CSMD1: variants seen among roughly 807,000 people sequenced by gnomAD.
CSMD1 encodes the protein CUB and sushi domain-containing protein 1.
Under a neutral mutation model 417.5 loss-of-function variants are expected in CSMD1, and 213 were observed. The observed-to-expected ratio is 0.51, with a 90% CI of 0.46 to 0.57. CSMD1 has a LOEUF of 0.57. Among genes scored for constraint, CSMD1 ranks in the 20% least tolerant of loss-of-function variants. The pLI is 0.00. For synonymous variants in CSMD1, 2,862 were observed against 1,736.8 expected (o/e 1.65, Z -16.11); for missense variants, 6,923 against 4,529.7 (o/e 1.53, Z -15.17).
chr8:3,967,589 G>T (rs1020219210), intron 5 of CSMD1, among the ~76,000 whole-genome samples: 3 of 152,054 alleles, frequency 2.0e-5, no homozygotes, highest in African/African-American at 7.2e-5. Context: ...TCTGTGTAGA[G>T]TCAGACGGTT....
intron 49 of CSMD1, among the ~76,000 whole-genome samples, chr8:3,081,665 G>C (rs939168760): frequency 1.3e-5 from 2 of 152,274 alleles, no homozygotes; most frequent in Non-Finnish European, 2.9e-5. Flanking sequence ...TACTGTCAGA[G>C]TCTAAACTGT....
At chr8:4,329,697 G>C (rs1799760417) in intron 3 of CSMD1, among the ~76,000 whole-genome samples, 1 of 152,146 alleles carries the variant, frequency 6.6e-6, no homozygotes, top group Non-Finnish European at 1.5e-5. Context: ...GTGATACCCA[G>C]TGTTGGAGAT....
At chr8:4,712,839 G>C (rs1480198474) in intron 1 of CSMD1, among the ~76,000 whole-genome samples, 4 of 152,170 alleles carry the variant, frequency 2.6e-5, no homozygotes, top group African/African-American at 9.7e-5. Flanking sequence ...TTCTATTTCA[G>C]AGAGGTCTAA....
chr8:4,456,512 A>G (rs893329065), intron 2 of CSMD1, among the ~76,000 whole-genome samples: 3 of 152,156 alleles, frequency 2.0e-5, no homozygotes, highest in Admixed American at 2.0e-4. Context: ...TTCTAAGTAA[A>G]TGTTTATAGT....
At chr8:4,935,551 C>A (rs1232655402) in intron 1 of CSMD1, among the ~76,000 whole-genome samples, 1 of 152,180 alleles carries the variant, frequency 6.6e-6, no homozygotes, top group East Asian at 1.9e-4. Flanking sequence ...TAAGGTTATA[C>A]ACTTTTTTCT....
intron 5 of CSMD1, among the ~76,000 whole-genome samples, chr8:3,837,905 T>C (rs757889913): frequency 3.3e-5 from 5 of 152,148 alleles, no homozygotes; most frequent in Non-Finnish European, 5.9e-5. Context: ...CACTTGGAAA[T>C]GCACAGATGA....
At chr8:3,647,006 C>T (rs1797609064) in intron 7 of CSMD1, among the ~76,000 whole-genome samples, 1 of 152,156 alleles carries the variant, frequency 6.6e-6, no homozygotes. Context: ...ATTTTTGAAA[C>T]ATCTCAGCAG....
intron 2 of CSMD1, among the ~76,000 whole-genome samples, chr8:4,493,664 C>T (rs542614973): frequency 3.9e-5 from 6 of 152,230 alleles, no homozygotes; most frequent in Non-Finnish European, 8.8e-5. Flanking sequence ...CAATGTACTC[C>T]AGATCGAGTG....
chr8:4,536,007 C>G (rs1474825322), intron 2 of CSMD1, among the ~76,000 whole-genome samples: 1 of 152,066 alleles, frequency 6.6e-6, no homozygotes, highest in African/African-American at 2.4e-5. Context: ...TTCAGAATAT[C>G]AATGCCACCA....
chr8:4,914,285 T>C (rs963831992), intron 1 of CSMD1, among the ~76,000 whole-genome samples: 1 of 152,028 alleles, frequency 6.6e-6, no homozygotes, highest in Non-Finnish European at 1.5e-5. Context: ...CTTTAAAAAT[T>C]GGAAGATAGG....
At chr8:2,974,124 G>GATGATGGCA (rs1563196757) in intron 56 of CSMD1, among the ~76,000 whole-genome samples, 2 of 151,220 alleles carry the variant, frequency 1.3e-5, no homozygotes, top group African/African-American at 2.5e-5. Context: ...GATGGTAGAG[G>GATGATGGCA]GAGGGAAAAT....
chr8:4,775,227 A>G (rs904409329), intron 1 of CSMD1, among the ~76,000 whole-genome samples: 3 of 152,190 alleles, frequency 2.0e-5, no homozygotes, highest in Non-Finnish European at 4.4e-5. Flanking sequence ...TATCACTAAA[A>G]TAGGAAAAAT....
At chr8:4,936,492 C>A (rs556850007) in intron 1 of CSMD1, among the ~76,000 whole-genome samples, 1 of 152,290 alleles carries the variant, frequency 6.6e-6, no homozygotes, top group Non-Finnish European at 1.5e-5. Context: ...CTTTGCCCAC[C>A]TTTTCCAATT....
chr8:3,752,676 C>CAAAAAAAAAAAAA (rs200769696), intron 6 of CSMD1, among the ~76,000 whole-genome samples: 1 of 96,942 alleles, frequency 1.0e-5, no homozygotes, highest in Non-Finnish European at 1.9e-5. Flanking sequence ...CCCCGCCTGG[C>CAAAAAAAAAAAAA]AAAAAAAAAA....
chr8:4,935,704 T>A (rs1807568169), intron 1 of CSMD1, among the ~76,000 whole-genome samples: 2 of 152,168 alleles, frequency 1.3e-5, no homozygotes, highest in South Asian at 4.2e-4. Flanking sequence ...CTTGTTAGGA[T>A]TGAGGAATGG....
chr8:4,774,098 G>A (rs1796729569), intron 1 of CSMD1, among the ~76,000 whole-genome samples: 1 of 152,206 alleles, frequency 6.6e-6, no homozygotes, highest in Admixed American at 6.5e-5. Context: ...TCAGGAGGCT[G>A]AGGCAGGAGA....
chr8:3,667,794 A>T (rs1197270293), intron 7 of CSMD1, among the ~76,000 whole-genome samples: 2 of 152,144 alleles, frequency 1.3e-5, no homozygotes, highest in Middle Eastern at 3.2e-3. Context: ...AAAATCATGG[A>T]AACAGAAGAC....
intron 46 of CSMD1, among the ~76,000 whole-genome samples, chr8:3,104,851 G>A (rs1000782361): frequency 1.3e-5 from 2 of 152,132 alleles, no homozygotes; most frequent in South Asian, 4.2e-4. Flanking sequence ...GGCATTACAG[G>A]CATGCGCCAC....
chr8:3,583,095 G>C (rs148170225), intron 9 of CSMD1, among the ~76,000 whole-genome samples: 4 of 152,066 alleles, frequency 2.6e-5, no homozygotes, highest in Non-Finnish European at 5.9e-5. Flanking sequence ...CTCTTCCTGG[G>C]GAGCCTGGCC....
Sources: gnomAD v4.1 joint callset for allele counts (sites outside exome capture counted in the v4.1 genomes callset) on GRCh38, gnomAD v4.1.1 for gene constraint, MANE v1.5 for transcripts, NCBI Gene and HGNC (gene_info 2026-07-23, HGNC 2026-07-21) for gene names.